The following CHST8 variants were observed in gnomAD, a reference collection of about 807,000 sequenced individuals.
The protein encoded by CHST8 is GALNAC-4-ST1.
In CHST8, 10 loss-of-function variants were observed where a neutral mutation model predicts 15.0. The observed-to-expected ratio is 0.67, with a 90% CI of 0.41 to 1.13. CHST8 has a LOEUF of 1.13. Ranked by LOEUF, CHST8 falls within the 50% of genes most tolerant of loss-of-function variation. The pLI, the probability that CHST8 is intolerant of heterozygous loss-of-function variation, is 0.00. For missense variants in CHST8, 634 were observed against 608.2 expected (o/e 1.04, Z -0.45); for synonymous variants, 259 against 256.6 (o/e 1.01, Z -0.09).
At chr19:33,653,121 G>A (rs1972470532) in intron 1 of CHST8, among the ~76,000 whole-genome samples, 2 of 152,022 alleles carry the variant, frequency 1.3e-5, no homozygotes, top group African/African-American at 4.8e-5. Flanking sequence ...TCTTTTTTGT[G>A]TGTGTGAGAG....
intron 3 of CHST8, among the ~76,000 whole-genome samples, chr19:33,719,578 G>A (rs1032268880): frequency 6.6e-6 from 1 of 151,940 alleles, no homozygotes. Context: ...GAACTCGGGG[G>A]GACACCTAGG....
chr19:33,726,805 G>A (rs1216415160), intron 3 of CHST8, among the ~76,000 whole-genome samples: 1 of 151,948 alleles, frequency 6.6e-6, no homozygotes, highest in Admixed American at 6.6e-5. Context: ...GCCAGGGGCT[G>A]CAAAGAAAGG....
chr19:33,706,384 T>C (rs956517246), intron 3 of CHST8, among the ~76,000 whole-genome samples: 2 of 152,208 alleles, frequency 1.3e-5, no homozygotes, highest in Non-Finnish European at 2.9e-5. Flanking sequence ...CCCATAATCC[T>C]AGCTGTGTAC....
chr19:33,762,196 C>T (rs1376911587), intron 3 of CHST8, among the ~76,000 whole-genome samples: 2 of 152,204 alleles, frequency 1.3e-5, no homozygotes, highest in East Asian at 3.9e-4. Flanking sequence ...CAGGCTCTGA[C>T]CGAGGGATGC....
At chr19:33,656,134 G>T (rs538736073) in intron 1 of CHST8, among the ~76,000 whole-genome samples, 1 of 152,168 alleles carries the variant, frequency 6.6e-6, no homozygotes, top group African/African-American at 2.4e-5. Context: ...TGCAAGAGAG[G>T]TATTCAGGAG....
At chr19:33,707,137 TAAACTCCTGGGCTC>T (rs1397606718) in intron 3 of CHST8, among the ~76,000 whole-genome samples, 2 of 152,076 alleles carry the variant, frequency 1.3e-5, no homozygotes, top group Non-Finnish European at 2.9e-5. Context: ...ACTGCAGCTT[TAAACTCCTGGGCTC>T]AAGCGATCCT....
At chr19:33,731,374 AG>A (rs1295844467) in intron 3 of CHST8, among the ~76,000 whole-genome samples, 1 of 152,194 alleles carries the variant, frequency 6.6e-6, no homozygotes, top group Non-Finnish European at 1.5e-5. Context: ...TAGACCATAA[AG>A]GGTAAATTCT....
chr19:33,760,575 CT>C (rs950775639), intron 3 of CHST8, among the ~76,000 whole-genome samples: 1 of 151,870 alleles, frequency 6.6e-6, no homozygotes, highest in African/African-American at 2.4e-5. Flanking sequence ...CCATCTTGGC[CT>C]CCAAAGCACT....
At chr19:33,663,610 C>G (rs771110765) in intron 1 of CHST8, among the ~76,000 whole-genome samples, 1 of 152,160 alleles carries the variant, frequency 6.6e-6, no homozygotes, top group Non-Finnish European at 1.5e-5. Flanking sequence ...GTGGCTCACG[C>G]CTGTAATCCT....
chr19:33,766,102 C>T (rs1974836025), intron 3 of CHST8, among the ~76,000 whole-genome samples: 1 of 152,058 alleles, frequency 6.6e-6, no homozygotes, highest in African/African-American at 2.4e-5. Flanking sequence ...ATCACATGAG[C>T]CAGTTTCTTA....
intron 2 of CHST8, among the ~76,000 whole-genome samples, chr19:33,674,978 A>G (rs927599547): frequency 2.0e-5 from 3 of 152,228 alleles, no homozygotes; most frequent in African/African-American, 4.8e-5. Flanking sequence ...ACACATGTCT[A>G]CAGCATGTGC....
chr19:33,636,245 A>G (rs1469308500), intron 1 of CHST8, among the ~76,000 whole-genome samples: 4 of 152,208 alleles, frequency 2.6e-5, no homozygotes, highest in Non-Finnish European at 4.4e-5. Context: ...ACCAACATTA[A>G]GCACGGACCT....
At chr19:33,716,873 G>A (rs574608966) in intron 3 of CHST8, among the ~76,000 whole-genome samples, 15 of 152,256 alleles carry the variant, frequency 9.9e-5, no homozygotes, top group East Asian at 5.8e-4. Flanking sequence ...ATTGGGCAGC[G>A]TCGGTTTCTT....
At chr19:33,725,860 TGGCCACAGGGTCTA>T (rs1973887131) in intron 3 of CHST8, among the ~76,000 whole-genome samples, 1 of 152,202 alleles carries the variant, frequency 6.6e-6, no homozygotes, top group South Asian at 2.1e-4. Flanking sequence ...GGCCGGAGCC[TGGCCACAGGGTCTA>T]GGTGGCTGGT....
At chr19:33,735,954 C>T (rs956706246) in intron 3 of CHST8, among the ~76,000 whole-genome samples, 2 of 152,256 alleles carry the variant, frequency 1.3e-5, no homozygotes, top group Non-Finnish European at 2.9e-5. Flanking sequence ...TAAGGCACCA[C>T]CCGCCACCTG....
chr19:33,635,245 TCATGAAGA>T (rs1272212291), intron 1 of CHST8, among the ~76,000 whole-genome samples: 2 of 152,164 alleles, frequency 1.3e-5, no homozygotes, highest in Non-Finnish European at 2.9e-5. Context: ...CTCAGCGTTT[TCATGAAGA>T]CCGTGGTGAA....
At chr19:33,753,184 C>T (rs79230195) in intron 3 of CHST8, among the ~76,000 whole-genome samples, 1 of 152,108 alleles carries the variant, frequency 6.6e-6, no homozygotes, top group Non-Finnish European at 1.5e-5. Flanking sequence ...AGAGCCTGCA[C>T]CTTCACCAGG....
intron 3 of CHST8, among the ~76,000 whole-genome samples, chr19:33,765,054 A>ATG (rs1974806001): frequency 8.3e-6 from 1 of 119,808 alleles, no homozygotes; most frequent in Non-Finnish European, 1.8e-5. Flanking sequence ...CTATTCCATC[A>ATG]TATATATATA....
intron 1 of CHST8, among the ~76,000 whole-genome samples, chr19:33,636,381 T>C (rs1165787486): frequency 6.6e-6 from 1 of 152,160 alleles, no homozygotes; most frequent in Non-Finnish European, 1.5e-5. Flanking sequence ...CCTTGACTCG[T>C]AAACAACCTG....
Sources: allele counts gnomAD v4.1 joint callset (sites outside exome capture counted in the v4.1 genomes callset), GRCh38; gene constraint gnomAD v4.1.1; transcripts MANE v1.5; gene names NCBI Gene and HGNC (gene_info 2026-07-23, HGNC 2026-07-21).